Variants in CORIN observed in about 807,000 individuals in gnomAD.
CORIN encodes corin, serine peptidase.
Under a neutral mutation model 125.3 loss-of-function variants are expected in CORIN, and 117 were observed. That is an observed-to-expected ratio of 0.93 (90% CI 0.80 to 1.09). The LOEUF (loss-of-function observed/expected upper bound fraction) is 1.09. CORIN is among the 50% of genes least tolerant of loss of function. CORIN has a pLI of 0.00. For missense variants in CORIN, 1,253 were observed against 1,306.7 expected, an observed-to-expected ratio of 0.96 and a Z score of 0.63; for synonymous variants, 450 against 466.4, an observed-to-expected ratio of 0.96 and a Z score of 0.45.
intron 4 of CORIN, among the ~76,000 whole-genome samples, chr4:47,750,958 G>A (rs1728873297): frequency 6.6e-6 from 1 of 152,238 alleles, no homozygotes; most frequent in South Asian, 2.1e-4. Flanking sequence ...GAAACACAGT[G>A]ATGTGTGAGC....
At chr4:47,651,055 T>G (rs1052224654) in intron 13 of CORIN, among the ~76,000 whole-genome samples, 2 of 152,228 alleles carry the variant, frequency 1.3e-5, no homozygotes, top group African/African-American at 4.8e-5. Flanking sequence ...AAAAGTGTAT[T>G]TATAAGTTAA....
At chr4:47,756,736 C>T (rs1392113996) in intron 4 of CORIN, among the ~76,000 whole-genome samples, 1 of 152,008 alleles carries the variant, frequency 6.6e-6, no homozygotes, top group Non-Finnish European at 1.5e-5. Context: ...AACAAATAAC[C>T]AACACATCAA....
intron 19 of CORIN, among the ~76,000 whole-genome samples, chr4:47,622,070 A>T (rs1361278063): frequency 3.1e-5 from 4 of 128,720 alleles, no homozygotes; most frequent in Non-Finnish European, 3.2e-5. Context: ...TCATTGTTCA[A>T]TTCCCACCTA....
intron 21 of CORIN, among the ~76,000 whole-genome samples, chr4:47,598,909 T>C (rs563551726): frequency 6.6e-6 from 1 of 152,234 alleles, no homozygotes; most frequent in Admixed American, 6.5e-5. Flanking sequence ...CCAGATATCA[T>C]ATACAGATAT....
At chr4:47,654,668 T>TA (rs1406843536) in intron 12 of CORIN, among the ~76,000 whole-genome samples, 1 of 152,228 alleles carries the variant, frequency 6.6e-6, no homozygotes, top group Admixed American at 6.5e-5. Flanking sequence ...GGTCAGAATT[T>TA]AAGTTCTGGC....
intron 3 of CORIN, among the ~76,000 whole-genome samples, chr4:47,769,488 T>C (rs1401997640): frequency 6.6e-6 from 1 of 152,058 alleles, no homozygotes; most frequent in Non-Finnish European, 1.5e-5. Flanking sequence ...ATCCCTATTA[T>C]AATTCTAATA....
At chr4:47,638,667 C>A (rs1371797531) in intron 16 of CORIN, among the ~76,000 whole-genome samples, 3 of 152,156 alleles carry the variant, frequency 2.0e-5, no homozygotes, top group East Asian at 3.8e-4. Context: ...GTGGGGCCTC[C>A]CCAGCTCTGT....
At chr4:47,752,947 T>G (rs1173171348) in intron 4 of CORIN, among the ~76,000 whole-genome samples, 5 of 151,946 alleles carry the variant, frequency 3.3e-5, no homozygotes, top group Admixed American at 2.0e-4. Context: ...AATACGGATA[T>G]TCAAATGAAT....
intron 2 of CORIN, 80 bp downstream of exon 2, chr4:47,806,823 G>A: frequency 7.0e-7 from 1 of 1,421,624 alleles, no homozygotes; most frequent in East Asian, 2.5e-5. Context: ...GGTTAAATAA[G>A]TACTAAGTAG....
At chr4:47,710,457 G>A (rs975269443) in intron 5 of CORIN, among the ~76,000 whole-genome samples, 3 of 152,174 alleles carry the variant, frequency 2.0e-5, no homozygotes, top group African/African-American at 2.4e-5. Flanking sequence ...TACTAATAAC[G>A]TCTACTTCCT....
chr4:47,675,862 C>T (rs1003467940), intron 9 of CORIN, among the ~76,000 whole-genome samples: 1 of 152,160 alleles, frequency 6.6e-6, no homozygotes, highest in Non-Finnish European at 1.5e-5. Context: ...CATGTGCTAC[C>T]ACGCCCAGCT....
intron 7 of CORIN, chr4:47,682,746 C>A (rs1725346690): frequency 6.6e-6 from 1 of 151,916 alleles, no homozygotes; most frequent in Non-Finnish European, 1.5e-5. Context: ...TATTATTAGT[C>A]AAAATAAAAT....
intron 5 of CORIN, among the ~76,000 whole-genome samples, chr4:47,742,826 C>T (rs911689917): frequency 2.6e-5 from 4 of 151,968 alleles, no homozygotes; most frequent in African/African-American, 9.7e-5. Flanking sequence ...AGATAGAGGA[C>T]ATATAATATT....
At chr4:47,808,844 A>C (rs1191453413) in intron 1 of CORIN, among the ~76,000 whole-genome samples, 3 of 152,230 alleles carry the variant, frequency 2.0e-5, no homozygotes, top group African/African-American at 7.2e-5. Context: ...GTTATTGAAT[A>C]CCTACTAATT....
At chr4:47,669,469 G>A (rs1229159342) in intron 10 of CORIN, among the ~76,000 whole-genome samples, 1 of 151,458 alleles carries the variant, frequency 6.6e-6, no homozygotes, top group Non-Finnish European at 1.5e-5. Context: ...CTACCTCCCA[G>A]GTCAAGAAAC....
chr4:47,719,126 T>A (rs928883244), intron 5 of CORIN, among the ~76,000 whole-genome samples: 2 of 152,166 alleles, frequency 1.3e-5, no homozygotes, highest in African/African-American at 2.4e-5. Flanking sequence ...GAAATTTACA[T>A]CTCCAAATTA....
intron 16 of CORIN, among the ~76,000 whole-genome samples, chr4:47,632,749 A>AGATAGATAGAT (rs1553905929): frequency 8.6e-6 from 1 of 116,598 alleles, no homozygotes; most frequent in Non-Finnish European, 1.7e-5. Context: ...ATAGATAGAT[A>AGATAGATAGAT]GATAGATAGA....
At chr4:47,737,996 T>TAAA (rs35645880) in intron 5 of CORIN, among the ~76,000 whole-genome samples, 4 of 148,238 alleles carry the variant, frequency 2.7e-5, no homozygotes, top group African/African-American at 9.9e-5. Flanking sequence ...GGGGTGTTTC[T>TAAA]AAAAAAAAAA....
rs1362692878 is a variant in CORIN at position 47,633,415 on chromosome 4, C to T, written c.2199-6894G>A. ...AAAATAAAGCACCATTTAAAATAAA[C>T]ATCTTATTAAAAGTGTAAAAATAAT... On this transcript the variant is annotated intron_variant, in intron 16 of 21. Transcript: ENST00000273857. Among the ~76,000 whole-genome samples, 3 of 150,020 alleles carry T rather than the reference C, an allele frequency of 2.0e-5. 1 individual carries two copies. In the Admixed American group the frequency reaches 2.0e-4, roughly 10 times the overall value.
Sources: gnomAD v4.1 joint callset for allele counts (sites outside exome capture counted in the v4.1 genomes callset) on GRCh38, gnomAD v4.1.1 for gene constraint, MANE v1.5 for transcripts, NCBI Gene and HGNC (gene_info 2026-07-23, HGNC 2026-07-21) for gene names.